Variants in EPHB1 observed in about 807,000 individuals in gnomAD.
EPHB1 encodes the protein ephrin type-B receptor 1.
In EPHB1, 30 loss-of-function variants were observed where a neutral mutation model predicts 94.4. The observed-to-expected ratio is 0.32, with a 90% CI of 0.24 to 0.43. EPHB1 has a LOEUF of 0.43. Among genes scored for constraint, EPHB1 ranks in the 20% least tolerant of loss-of-function variants. The pLI, the probability that EPHB1 is intolerant of heterozygous loss-of-function variation, is 1.00. For missense variants in EPHB1, 1,055 were observed against 1,308.3 expected, an observed-to-expected ratio of 0.81 and a Z score of 2.99; for synonymous variants, 522 against 489.1, an observed-to-expected ratio of 1.07 and a Z score of -0.89.
At chr3:135,132,031 T>C (rs1275210453) in intron 4 of EPHB1, among the ~76,000 whole-genome samples, 2 of 152,208 alleles carry the variant, frequency 1.3e-5, no homozygotes, top group African/African-American at 4.8e-5. Context: ...TAAGGTAATG[T>C]ATATAAAGCA....
chr3:135,244,820 G>A (rs1326044190), intron 13 of EPHB1, among the ~76,000 whole-genome samples: 1 of 152,204 alleles, frequency 6.6e-6, no homozygotes, highest in Non-Finnish European at 1.5e-5. Flanking sequence ...TCAAAGACTT[G>A]AGTGGATAAA....
intron 12 of EPHB1, among the ~76,000 whole-genome samples, chr3:135,225,466 C>T (rs905575064): frequency 6.6e-6 from 1 of 152,154 alleles, no homozygotes; most frequent in Admixed American, 6.5e-5. Flanking sequence ...AGTTCTCTAA[C>T]CTTGGGAGAC....
chr3:135,228,735 G>T (rs563744738), intron 12 of EPHB1, among the ~76,000 whole-genome samples: 2 of 148,632 alleles, frequency 1.3e-5, no homozygotes, highest in Non-Finnish European at 3.0e-5. Context: ...CAGTCTGAGG[G>T]GTGACAGCGT....
intron 1 of EPHB1, among the ~76,000 whole-genome samples, chr3:134,854,256 G>C (rs1368340409): frequency 6.6e-6 from 1 of 152,280 alleles, no homozygotes; most frequent in Non-Finnish European, 1.5e-5. Context: ...TTTGACTGCA[G>C]CCTCTTGTGA....
intron 11 of EPHB1, among the ~76,000 whole-genome samples, chr3:135,196,446 A>G (rs1201653660): frequency 6.6e-6 from 1 of 152,056 alleles, no homozygotes; most frequent in Non-Finnish European, 1.5e-5. Context: ...GAGTGGTGGG[A>G]GCAGGCAGTG....
chr3:134,971,651 C>T (rs1054564604), intron 3 of EPHB1, among the ~76,000 whole-genome samples: 1 of 152,168 alleles, frequency 6.6e-6, no homozygotes, highest in Non-Finnish European at 1.5e-5. Context: ...AATGCAGGGA[C>T]ACTAGTCCCT....
At chr3:135,164,506 C>A (rs1941595778) in intron 7 of EPHB1, among the ~76,000 whole-genome samples, 1 of 152,060 alleles carries the variant, frequency 6.6e-6, no homozygotes, top group Non-Finnish European at 1.5e-5. Flanking sequence ...TCATGGGAAA[C>A]CTCACTTTAA....
chr3:135,129,277 G>A (rs1940332438), intron 4 of EPHB1, among the ~76,000 whole-genome samples: 1 of 152,120 alleles, frequency 6.6e-6, no homozygotes, highest in South Asian at 2.1e-4. Context: ...ACATGGAGCA[G>A]CATCGACAAG....
At chr3:135,166,842 C>T in intron 8 of EPHB1, 100 bp from the exon 9 acceptor site, 1 of 1,256,196 alleles carries the variant, frequency 8.0e-7, no homozygotes, top group Non-Finnish European at 1.1e-6. Flanking sequence ...GGGAGATGCC[C>T]CGGGTGAGCC....
intron 3 of EPHB1, among the ~76,000 whole-genome samples, chr3:135,056,613 T>C (rs1343821345): frequency 2.0e-5 from 3 of 152,256 alleles, no homozygotes; most frequent in Admixed American, 2.0e-4. Flanking sequence ...AAATGTTAGA[T>C]AGCAACATCA....
rs1933028123 is a variant in EPHB1, at chr3:134,951,480, A to G, written c.233A>G (p.Asn78Ser). The G allele has an allele frequency of 3.1e-6, 5 of 1,613,130 alleles. No individual in the cohort carries two copies. The South Asian group carries it at 3.3e-5, about 11-fold the overall frequency. The part of the protein sequence containing the change: ...QNNWLLTTFI[N>S]RRGAHRIYTE... ...AATTGGCTGCTCACCACCTTCATCA[A>G]CCGGCGGGGGGCCCATCGCATCTAC... The change falls in exon 3 of 16, where the codon AAC becomes AGC. Residue 78 changes from asparagine (N) to serine (S), a missense_variant. Transcript: ENST00000398015. This position sits in a 1 kb window ranked among gnomAD's most constrained non-coding sequence, Gnocchi z 4.5.
intron 3 of EPHB1, among the ~76,000 whole-genome samples, chr3:135,004,975 C>T (rs540630277): frequency 1.1e-3 from 175 of 152,368 alleles, no homozygotes; most frequent in African/African-American, 1.6e-3. Context: ...AGTCATTCTC[C>T]GTCCAGCTTT....
chr3:135,175,357 A>G (rs565037817), intron 9 of EPHB1, among the ~76,000 whole-genome samples: 1 of 152,318 alleles, frequency 6.6e-6, no homozygotes, highest in East Asian at 1.9e-4. Context: ...GACAGTGGCT[A>G]AATCATTTCT....
chr3:134,898,466 C>T (rs776050475), intron 1 of EPHB1, among the ~76,000 whole-genome samples: 6 of 152,118 alleles, frequency 3.9e-5, no homozygotes, highest in Admixed American at 2.6e-4. Flanking sequence ...CAAGCCCTAT[C>T]GAATGGCACT....
intron 9 of EPHB1, among the ~76,000 whole-genome samples, chr3:135,173,329 C>T (rs116521944): frequency 0.015 from 2,311 of 152,302 alleles, 28 homozygotes; most frequent in Middle Eastern, 0.027. Context: ...CCACCGCGCC[C>T]GGCCTGAAAT....
chr3:135,161,790 C>T (rs963448027), intron 6 of EPHB1, among the ~76,000 whole-genome samples: 3 of 152,132 alleles, frequency 2.0e-5, no homozygotes, highest in Middle Eastern at 3.2e-3. Flanking sequence ...TTCCCTGGGC[C>T]CCTTTTTTCA....
chr3:135,081,599 G>T (rs1223000999), intron 3 of EPHB1, among the ~76,000 whole-genome samples: 1 of 152,168 alleles, frequency 6.6e-6, no homozygotes, highest in Non-Finnish European at 1.5e-5. Flanking sequence ...CGCCACTGCT[G>T]CCCAAGGAGC....
intron 10 of EPHB1, among the ~76,000 whole-genome samples, chr3:135,191,125 G>A (rs1942445905): frequency 6.6e-6 from 1 of 151,408 alleles, no homozygotes; most frequent in Admixed American, 6.6e-5. Flanking sequence ...AAGGAAGGGA[G>A]GGAGGGACAG....
intron 1 of EPHB1, among the ~76,000 whole-genome samples, chr3:134,825,903 T>C (rs1419666230): frequency 6.6e-6 from 1 of 152,162 alleles, no homozygotes; most frequent in African/African-American, 2.4e-5. Flanking sequence ...TTACCATATC[T>C]GCATTGTTTT....
Sources: gnomAD v4.1 joint callset for allele counts (sites outside exome capture counted in the v4.1 genomes callset) on GRCh38, gnomAD v4.1.1 for gene constraint, Gnocchi (gnomAD v3.1) non-coding constraint, MANE v1.5 for transcripts, NCBI Gene and HGNC (gene_info 2026-07-23, HGNC 2026-07-21) for gene names.